NOX4: variants seen among roughly 807,000 people sequenced by gnomAD.
NOX4 encodes the protein NADPH oxidase 4.
Under a neutral mutation model 87.6 loss-of-function variants are expected in NOX4, and 69 were observed. The ratio of observed to expected loss-of-function variants is 0.79; its 90% CI spans 0.65 to 0.96. The LOEUF is 0.96. Among genes scored for constraint, NOX4 ranks in the 40% least tolerant of loss-of-function variants. The pLI, the probability that NOX4 is intolerant of heterozygous loss-of-function variation, is 0.00. For missense variants in NOX4, 680 were observed against 681.5 expected (o/e 1.00, Z 0.02); for synonymous variants, 275 against 238.2 (o/e 1.15, Z -1.42).
intron 13 of NOX4, among the ~76,000 whole-genome samples, chr11:89,344,582 GAC>G (rs1946134368): frequency 6.6e-6 from 1 of 152,120 alleles, no homozygotes; most frequent in South Asian, 2.1e-4. Flanking sequence ...ACATGCCTGA[GAC>G]TCTTACCTCA....
At chr11:89,459,467 G>C (rs1428455872) in intron 2 of NOX4, among the ~76,000 whole-genome samples, 1 of 151,940 alleles carries the variant, frequency 6.6e-6, no homozygotes, top group African/African-American at 2.4e-5. Context: ...AAAAAACTCA[G>C]GATACAAAAT....
intron 12 of NOX4, among the ~76,000 whole-genome samples, chr11:89,356,453 A>G (rs1342882750): frequency 2.0e-5 from 3 of 152,178 alleles, no homozygotes; most frequent in Admixed American, 6.5e-5. Context: ...AAAGGAAAAA[A>G]TCCTAGATGT....
Position 89,464,274 on chromosome 11 carries a change from T to C in NOX4, c.154-12379A>G, listed in dbSNP as rs531176141. ...TTTAACATCAACTTCTTTACGATTC[T>C]GCAAAACCCAACTGGAAATTTTACC... On this transcript the variant is annotated intron_variant, in intron 2 of 17. Transcript: ENST00000263317. Among the ~76,000 whole-genome samples the C allele has an allele frequency of 2.0e-5, 3 of 152,236 alleles. No homozygotes were observed. The East Asian group carries it at 5.8e-4, about 29-fold the overall frequency.
chr11:89,410,621 A>G lies in NOX4; in HGVS notation c.630-8079T>C, dbSNP rs544231912. On this transcript the variant is annotated intron_variant, in intron 8 of 17. Transcript: ENST00000263317. ...GAGAACTCAGTGTTGCCCTGTCACA[A>G]TGAAAAGCAACACCAGGAGGAACTC... is the stretch of plus-strand genomic sequence containing the variant. 5.3e-5 allele frequency among the ~76,000 whole-genome samples: 8 copies of G among 152,326 alleles called. No individual in the cohort carries two copies. In the South Asian group the frequency reaches 1.0e-3, roughly 20 times the overall value.
At chr11:89,583,552 C>T in the NOX4 span, among the ~76,000 whole-genome samples, 1 of 152,232 alleles carries the variant, frequency 6.6e-6, no homozygotes, top group Non-Finnish European at 1.5e-5. Context: ...CCTTGTCTGT[C>T]AGCCTGGTTA....
the NOX4 span, among the ~76,000 whole-genome samples, chr11:89,564,381 T>C: frequency 6.6e-6 from 1 of 152,138 alleles, no homozygotes; most frequent in East Asian, 1.9e-4. Context: ...GAAGGTGCTA[T>C]ACATTTTTAA....
intron 2 of NOX4, among the ~76,000 whole-genome samples, chr11:89,457,073 GTT>G (rs1199182833): frequency 6.6e-6 from 1 of 152,158 alleles, no homozygotes; most frequent in Non-Finnish European, 1.5e-5. Flanking sequence ...GACTGTGTCT[GTT>G]TGTTGAAGAG....
chr11:89,426,120 G>C (rs1299437323), intron 7 of NOX4, among the ~76,000 whole-genome samples: 2 of 152,112 alleles, frequency 1.3e-5, no homozygotes, highest in Non-Finnish European at 2.9e-5. Flanking sequence ...TATGAATGCA[G>C]ATAATTTGTT....
At chr11:89,330,481 A>G (rs1590936485) in intron 17 of NOX4, among the ~76,000 whole-genome samples, 1 of 152,048 alleles carries the variant, frequency 6.6e-6, no homozygotes, top group Admixed American at 6.6e-5. Flanking sequence ...TTCATAGAAC[A>G]CAAATAGCTA....
the NOX4 span, among the ~76,000 whole-genome samples, chr11:89,561,046 C>CATATATATATAT: frequency 1.6e-4 from 4 of 25,678 alleles, no homozygotes; most frequent in African/African-American, 2.2e-4. Flanking sequence ...ACACATATAT[C>CATATATATATAT]ATACATATAT....
chr11:89,579,150 G>C, the NOX4 span, among the ~76,000 whole-genome samples: 1 of 152,178 alleles, frequency 6.6e-6, no homozygotes, highest in African/African-American at 2.4e-5. Flanking sequence ...AGAGTTCATG[G>C]AAGAAAGGGA....
At position 89,337,481 on chromosome 11, in the gene NOX4, A is replaced by G. The variant is rs1193039351; in HGVS notation, c.1481T>C (p.Ile494Thr). Reference sequence around the variant, plus strand: ...ATCTGTTTGACTGAGGTACAGCTGGATGTTGACATAGTCAGGTCTGTTCTC... The same window carrying G: ...ATCTGTTTGACTGAGGTACAGCTGGGTGTTGACATAGTCAGGTCTGTTCTC... ...WQENRPDYVNIQLYLSQTDGI... is the reference protein window; with the variant it reads ...WQENRPDYVNTQLYLSQTDGI... Residue 494 changes from isoleucine (I) to threonine (T), a missense_variant, in exon 16 of 18, where the codon ATC (isoleucine) becomes ACC (threonine). Transcript: ENST00000263317. 26 of 1,612,484 alleles carry G rather than the reference A, an allele frequency of 1.6e-5. No individual in the cohort carries two copies. Among genetic ancestry groups the G allele is most frequent in the Non-Finnish European group, 2.1e-5 (25 of 1,178,900 alleles).
At chr11:89,437,199 A>G (rs1944120975) in intron 6 of NOX4, among the ~76,000 whole-genome samples, 1 of 147,136 alleles carries the variant, frequency 6.8e-6, no homozygotes. Context: ...CATCTCTACT[A>G]AAAAAAAAAT....
At chr11:89,583,130 C>T in the NOX4 span, among the ~76,000 whole-genome samples, 1 of 151,912 alleles carries the variant, frequency 6.6e-6, no homozygotes. Flanking sequence ...TTTTACATTA[C>T]AAACAATGGC....
At chr11:89,362,173 G>GACACACAC (rs148208109) in intron 12 of NOX4, among the ~76,000 whole-genome samples, 1 of 147,020 alleles carries the variant, frequency 6.8e-6, no homozygotes, top group African/African-American at 2.5e-5. Context: ...CACAGACACA[G>GACACACAC]ACACACACAC....
the NOX4 span, among the ~76,000 whole-genome samples, chr11:89,505,185 A>T: frequency 2.0e-5 from 3 of 151,848 alleles, no homozygotes; most frequent in Non-Finnish European, 4.4e-5. Context: ...AATATCATTA[A>T]CTTTTTCCTT....
intron 15 of NOX4, among the ~76,000 whole-genome samples, chr11:89,337,740 A>C (rs545853402): frequency 6.6e-6 from 1 of 152,200 alleles, no homozygotes; most frequent in Non-Finnish European, 1.5e-5. Flanking sequence ...TGATGGTGGT[A>C]GTGGTAGGGA....
At chr11:89,510,175 C>T in the NOX4 span, among the ~76,000 whole-genome samples, 2 of 152,052 alleles carry the variant, frequency 1.3e-5, no homozygotes, top group South Asian at 2.1e-4. Flanking sequence ...ATAGCACTTT[C>T]AAGCGTAACC....
chr11:89,364,587 A>C (rs1938791281), intron 12 of NOX4, among the ~76,000 whole-genome samples: 1 of 152,232 alleles, frequency 6.6e-6, no homozygotes, highest in South Asian at 2.1e-4. Flanking sequence ...TAATTTTCAG[A>C]AGATGAGATG....
Sources: allele counts gnomAD v4.1 joint callset (sites outside exome capture counted in the v4.1 genomes callset), GRCh38; gene constraint gnomAD v4.1.1; transcripts MANE v1.5; gene names NCBI Gene and HGNC (gene_info 2026-07-23, HGNC 2026-07-21).